The following SLC25A13 variants were observed in gnomAD, a reference collection of about 807,000 sequenced individuals.
SLC25A13 encodes solute carrier family 25 member 13, also known as electrogenic aspartate/glutamate antiporter SLC25A13, mitochondrial.
SLC25A13 carries 70 observed loss-of-function variants against 85.5 expected under a neutral mutation model. The observed-to-expected ratio is 0.82, with a 90% CI of 0.68 to 1.00. The LOEUF (loss-of-function observed/expected upper bound fraction) is 1.00, where lower values mean the gene tolerates loss of function less well. Ranked by LOEUF, SLC25A13 falls within the 50% of genes least tolerant of loss-of-function variation. SLC25A13 has a pLI of 0.00. For synonymous variants in SLC25A13, 259 were observed against 288.7 expected (o/e 0.90, Z 1.04); for missense variants, 765 against 819.8 (o/e 0.93, Z 0.82).
chr7:96,283,498 G>T, intron 2 of SLC25A13: 1 of 403,508 alleles, frequency 2.5e-6, no homozygotes, highest in Non-Finnish European at 4.9e-6. Context: ...AATGAGTACT[G>T]TTCAAAAAGG....
At chr7:96,176,223 G>T (rs1339591123) in intron 11 of SLC25A13, among the ~76,000 whole-genome samples, 1 of 152,156 alleles carries the variant, frequency 6.6e-6, no homozygotes, top group Non-Finnish European at 1.5e-5. Context: ...TAAGTCTAAA[G>T]TGCATATATA....
Position 96,191,228 on chromosome 7 carries a change from G to A in SLC25A13, c.635C>T (p.Ser212Phe), listed in dbSNP as rs137944390. The change falls in exon 7 of 18, where the codon TCC (serine) becomes TTC (phenylalanine). Residue 212 changes from serine (S) to phenylalanine (F), a missense_variant. Ser to Phe is a radical substitution (Grantham distance 155). Coordinates refer to ENST00000265631, the MANE Select transcript of SLC25A13 (RefSeq NM_014251.3). ...CLVAAAGGTT[S>F]HQVSFSYFNG... Reference sequence around the variant, plus strand: ...AAAATAGGAGAAACTAACTTGATGGGATGTGGTACCTCCAGCAGCCTCAAA... The same window carrying A: ...AAAATAGGAGAAACTAACTTGATGGAATGTGGTACCTCCAGCAGCCTCAAA... 8.5e-5 allele frequency: 137 copies of A among 1,613,802 alleles called. No homozygotes were observed. The highest frequency in any genetic ancestry group is 1.1e-4 in the Non-Finnish European group (128 of 1,179,946).
intron 13 of SLC25A13, among the ~76,000 whole-genome samples, chr7:96,163,216 A>C (rs1009764165): frequency 2.0e-5 from 3 of 152,242 alleles, no homozygotes; most frequent in African/African-American, 7.2e-5. Flanking sequence ...TCAGGTCATA[A>C]GAAGTCTTGT....
chr7:96,199,276 G>T (rs1055145440), intron 5 of SLC25A13, among the ~76,000 whole-genome samples: 5 of 152,174 alleles, frequency 3.3e-5, no homozygotes, highest in Non-Finnish European at 5.9e-5. Flanking sequence ...TTTTAGAGGG[G>T]ACCTACCAAA....
intron 1 of SLC25A13, among the ~76,000 whole-genome samples, chr7:96,321,004 T>C (rs923763957): frequency 9.2e-5 from 14 of 152,214 alleles, no homozygotes; most frequent in African/African-American, 3.4e-4. Context: ...TGTATAGGCT[T>C]GATTAGAGGG....
At chr7:96,151,855 G>C (rs1217264376) in intron 13 of SLC25A13, among the ~76,000 whole-genome samples, 2 of 151,900 alleles carry the variant, frequency 1.3e-5, no homozygotes, top group Non-Finnish European at 2.9e-5. Flanking sequence ...TGAGGCAGGA[G>C]AATCACTTGA....
rs1792997327 is a variant in SLC25A13, at chr7:96,150,611, G to A, written c.1312-3915C>T. 3.3e-5 allele frequency among the ~76,000 whole-genome samples: 5 copies of A among 152,130 alleles called. No homozygotes were observed. The South Asian group carries it at 8.3e-4, about 25-fold the overall frequency. On this transcript the variant is annotated intron_variant, in intron 13 of 17. Transcript: ENST00000265631. Reference sequence around the variant, plus strand: ...TAAAAAGAGGTCTTTAGGGTGGGACGTAATCCCATCCAACTGGTTTGTTAC... The same window carrying A: ...TAAAAAGAGGTCTTTAGGGTGGGACATAATCCCATCCAACTGGTTTGTTAC...
At chr7:96,226,685 A>C (rs886427074) in intron 4 of SLC25A13, among the ~76,000 whole-genome samples, 3 of 152,154 alleles carry the variant, frequency 2.0e-5, no homozygotes, top group African/African-American at 4.8e-5. Context: ...AAGAAAAAGA[A>C]AACTATGTTG....
chr7:96,210,039 G>A (rs1010059944), intron 4 of SLC25A13, among the ~76,000 whole-genome samples: 3 of 152,004 alleles, frequency 2.0e-5, no homozygotes, highest in African/African-American at 7.2e-5. Context: ...TGTGTCTATG[G>A]TTTCCCCTCA....
chr7:96,159,291 A>G (rs1054327104), intron 13 of SLC25A13, among the ~76,000 whole-genome samples: 9 of 152,164 alleles, frequency 5.9e-5, no homozygotes, highest in Non-Finnish European at 1.2e-4. Flanking sequence ...TCTCTCCAAA[A>G]TTTGTATACT....
chr7:96,235,862 G>A (rs531384033), intron 3 of SLC25A13, among the ~76,000 whole-genome samples: 8 of 152,238 alleles, frequency 5.3e-5, no homozygotes, highest in Admixed American at 2.0e-4. Context: ...GAACATGAGA[G>A]GCCAAGGACG....
intron 13 of SLC25A13, among the ~76,000 whole-genome samples, chr7:96,151,800 C>A (rs1793061191): frequency 6.6e-6 from 1 of 151,482 alleles, no homozygotes. Context: ...AAAAAATTAG[C>A]CGGACATGGT....
chr7:96,215,330 C>CG (rs891323284), intron 4 of SLC25A13, among the ~76,000 whole-genome samples: 3 of 152,014 alleles, frequency 2.0e-5, no homozygotes, highest in Non-Finnish European at 4.4e-5. Flanking sequence ...CTCCTGACCT[C>CG]GTGATCCACC....
At chr7:96,177,592 C>T (rs945224586) in intron 11 of SLC25A13, among the ~76,000 whole-genome samples, 2 of 152,160 alleles carry the variant, frequency 1.3e-5, no homozygotes, top group Admixed American at 6.5e-5. Flanking sequence ...AATCATGATG[C>T]CATTTTCACG....
At chr7:96,203,630 A>G (rs1795345510) in intron 5 of SLC25A13, among the ~76,000 whole-genome samples, 1 of 152,228 alleles carries the variant, frequency 6.6e-6, no homozygotes, top group Non-Finnish European at 1.5e-5. Flanking sequence ...AGTTAACAGA[A>G]ATATTGAATT....
intron 2 of SLC25A13, among the ~76,000 whole-genome samples, chr7:96,284,691 A>G (rs1405760947): frequency 1.3e-5 from 2 of 152,170 alleles, no homozygotes; most frequent in African/African-American, 2.4e-5. Context: ...CGGTCTCCCC[A>G]TAAGTTTCAG....
At chr7:96,245,102 A>G (rs970325185) in intron 3 of SLC25A13, among the ~76,000 whole-genome samples, 1 of 152,144 alleles carries the variant, frequency 6.6e-6, no homozygotes, top group African/African-American at 2.4e-5. Flanking sequence ...TGTGCCAACC[A>G]GGGGGATTTA....
intron 3 of SLC25A13, among the ~76,000 whole-genome samples, chr7:96,265,962 T>G (rs1403490092): frequency 6.6e-6 from 1 of 152,108 alleles, no homozygotes; most frequent in African/African-American, 2.4e-5. Context: ...AAGGTACTAA[T>G]CCTATCTGTG....
At chr7:96,268,072 C>T (rs970983000) in intron 3 of SLC25A13, among the ~76,000 whole-genome samples, 2 of 152,136 alleles carry the variant, frequency 1.3e-5, no homozygotes, top group Non-Finnish European at 2.9e-5. Flanking sequence ...CCGGTGCCCA[C>T]CTCACAGACA....
Sources: gnomAD v4.1 joint callset for allele counts (sites outside exome capture counted in the v4.1 genomes callset) on GRCh38, gnomAD v4.1.1 for gene constraint, MANE v1.5 for transcripts, NCBI Gene and HGNC (gene_info 2026-07-23, HGNC 2026-07-21) for gene names.